The following MKX variants were observed in gnomAD, a reference collection of about 807,000 sequenced individuals.
MKX encodes the protein mohawk homeobox.
In MKX, 13 loss-of-function variants were observed where a neutral mutation model predicts 36.0. The observed-to-expected ratio is 0.36, with a 90% CI of 0.24 to 0.57. MKX has a LOEUF of 0.57. MKX is among the 20% of genes least tolerant of loss of function. The pLI, the probability that MKX is intolerant of heterozygous loss-of-function variation, is 0.79. For missense variants in MKX, 458 were observed against 456.4 expected, an observed-to-expected ratio of 1.00 and a Z score of -0.03; for synonymous variants, 176 against 178.3, an observed-to-expected ratio of 0.99 and a Z score of 0.10.
intron 1 of MKX, chr10:27,745,364 T>G (rs1835030143): frequency 6.5e-6 from 1 of 152,672 alleles, no homozygotes; most frequent in African/African-American, 2.4e-5. Context: ...CCACACTTGC[T>G]GACCCTCCCA....
Position 27,700,120 on chromosome 10 carries a change from T to C in MKX, c.839-24566A>G, listed in dbSNP as rs114996149. ...AACAACAAAATGATTCACAATATGTTTTTGGGATTGAAACATAAATATTTC... is the reference window on the plus strand; with the variant it reads ...AACAACAAAATGATTCACAATATGTCTTTGGGATTGAAACATAAATATTTC... On this transcript the variant is annotated intron_variant, in intron 5 of 6. Transcript: ENST00000419761. Among the ~76,000 whole-genome samples, 448 of 152,352 alleles carry C rather than the reference T, an allele frequency of 2.9e-3. 1 individual carries two copies. The highest frequency in any genetic ancestry group is 0.01 in the African/African-American group (429 of 41,586).
intron 6 of MKX, 50 bp from the exon 7 acceptor site, chr10:27,675,465 C>T: frequency 6.2e-7 from 1 of 1,613,962 alleles, no homozygotes; most frequent in Non-Finnish European, 8.5e-7. Context: ...CTGCAGTTTG[C>T]ATTGAAAATG....
chr10:27,711,528 T>C (rs1190034668), intron 5 of MKX, among the ~76,000 whole-genome samples: 2 of 145,062 alleles, frequency 1.4e-5, no homozygotes, highest in Non-Finnish European at 3.0e-5. Context: ...CCTTCCTTCC[T>C]TCCTTCCTTC....
intron 5 of MKX, among the ~76,000 whole-genome samples, chr10:27,708,448 T>C (rs1325190946): frequency 3.3e-5 from 5 of 152,152 alleles, no homozygotes; most frequent in African/African-American, 9.7e-5. Context: ...AAATTGACTA[T>C]AGGCCGGGCG....
intron 5 of MKX, among the ~76,000 whole-genome samples, chr10:27,689,805 G>A (rs947262184): frequency 6.6e-6 from 1 of 152,132 alleles, no homozygotes; most frequent in Admixed American, 6.5e-5. Flanking sequence ...AAAAAAGGAA[G>A]AGACCGGTCA....
At chr10:27,682,803 A>AC (rs1273791078) in intron 5 of MKX, among the ~76,000 whole-genome samples, 1 of 151,878 alleles carries the variant, frequency 6.6e-6, no homozygotes. Flanking sequence ...ATACAGTGAA[A>AC]CCCCGTCTCT....
chr10:27,681,141 T>C (rs544679321), intron 5 of MKX, among the ~76,000 whole-genome samples: 4 of 152,342 alleles, frequency 2.6e-5, no homozygotes, highest in Non-Finnish European at 5.9e-5. Context: ...TTTGTGGTGA[T>C]GCTGGTGTAA....
intron 5 of MKX, among the ~76,000 whole-genome samples, chr10:27,729,559 G>A (rs1044441263): frequency 1.3e-5 from 2 of 151,724 alleles, no homozygotes; most frequent in African/African-American, 4.8e-5. Context: ...CACTGGCCTC[G>A]GCTTCCCAAA....
At chr10:27,692,807 G>A (rs563762996) in intron 5 of MKX, among the ~76,000 whole-genome samples, 31 of 152,314 alleles carry the variant, frequency 2.0e-4, no homozygotes, top group African/African-American at 7.2e-4. Flanking sequence ...TAGTGATGAG[G>A]TTTTATGAAC....
intron 5 of MKX, among the ~76,000 whole-genome samples, chr10:27,676,509 C>G (rs1432121389): frequency 6.6e-6 from 1 of 151,564 alleles, no homozygotes; most frequent in Non-Finnish European, 1.5e-5. Flanking sequence ...TCCTAAGTAG[C>G]TGGGATTACA....
intron 5 of MKX, among the ~76,000 whole-genome samples, chr10:27,685,697 G>T (rs112265156): frequency 1.3e-5 from 2 of 152,144 alleles, no homozygotes; most frequent in South Asian, 4.1e-4. Flanking sequence ...TGATCCACCC[G>T]CCTCCGCCTC....
At chr10:27,711,354 T>C (rs1439741847) in intron 5 of MKX, among the ~76,000 whole-genome samples, 1 of 152,212 alleles carries the variant, frequency 6.6e-6, no homozygotes, top group African/African-American at 2.4e-5. Flanking sequence ...TGTCATTATC[T>C]ATTCTTATTT....
At position 27,673,230 on chromosome 10, in the gene MKX, C is replaced by T. The variant is rs1836082060; in HGVS notation, c.*1999G>A. ...AAAAAAAATCATGTGAATAGTTGTC[C>T]TATATTGCCTTGTCATCTATAATTT... On this transcript the variant is annotated 3_prime_UTR_variant, in exon 7 of 7. Coordinates refer to ENST00000419761, the MANE Select transcript of MKX (RefSeq NM_173576.3). 6 of 151,984 alleles carry T rather than the reference C, an allele frequency of 3.9e-5. No homozygotes were observed. The highest frequency in any genetic ancestry group is 3.9e-4 in the Admixed American group (6 of 15,248). The allele number at this position is 151,984 out of a possible 1,614,324, so 9.4% of individuals were successfully genotyped here. A position where few individuals can be genotyped will look rare whatever the true frequency, so the allele number is the denominator to read the frequency against.
At chr10:27,678,073 A>T (rs770158382) in intron 5 of MKX, among the ~76,000 whole-genome samples, 1 of 152,230 alleles carries the variant, frequency 6.6e-6, no homozygotes, top group Non-Finnish European at 1.5e-5. Flanking sequence ...GCCAGGCACA[A>T]TTCTGAGTAC....
rs565798533 is a variant in MKX, at chr10:27,704,539, A to G, written c.839-28985T>C. On this transcript the variant is annotated intron_variant, in intron 5 of 6. Coordinates refer to ENST00000419761, the MANE Select transcript of MKX (RefSeq NM_173576.3). The stretch of plus-strand genomic sequence containing the variant: ...AAGACCAAAGAAAAATTAATAGAAG[A>G]GAATAGAAAGACAAGACCAACTCAA... Among the ~76,000 whole-genome samples, 6 of 152,242 alleles carry G rather than the reference A, an allele frequency of 3.9e-5. No individual in the cohort carries two copies. In the East Asian group the frequency reaches 1.2e-3, roughly 29 times the overall value.
At chr10:27,711,630 C>T (rs149465012) in intron 5 of MKX, among the ~76,000 whole-genome samples, 1,642 of 150,086 alleles carry the variant, frequency 0.011, 10 homozygotes, top group Non-Finnish European at 0.016. Context: ...GGAGCGCAGT[C>T]GCACAGTCAT....
chr10:27,683,107 C>A (rs1267491289), intron 5 of MKX, among the ~76,000 whole-genome samples: 2 of 152,168 alleles, frequency 1.3e-5, no homozygotes, highest in East Asian at 3.9e-4. Context: ...AGGTGGAGCT[C>A]AGATGGTAAT....
chr10:27,704,632 T>C (rs1208527358), intron 5 of MKX, among the ~76,000 whole-genome samples: 6 of 152,150 alleles, frequency 3.9e-5, no homozygotes, highest in African/African-American at 1.4e-4. Flanking sequence ...TTAGAATAAC[T>C]GGGTAACTGT....
rs1024831367 is a variant in MKX, at chr10:27,674,363, A to G, written c.*866T>C. On this transcript the variant is annotated 3_prime_UTR_variant, in exon 7 of 7. Coordinates refer to ENST00000419761, the MANE Select transcript of MKX (RefSeq NM_173576.3). ...GTCATTCCATACGAACACAGTTTCC[A>G]TCACAAAAAGACAGTGAGCTCTAAT... 1 of 152,662 alleles carries G rather than the reference A, an allele frequency of 6.6e-6. No homozygotes were observed. Among genetic ancestry groups the G allele is most frequent in the Non-Finnish European group, 1.5e-5 (1 of 68,038 alleles). The allele number at this position is 152,662 out of a possible 1,614,324, so 9.5% of individuals were successfully genotyped here. A position where few individuals can be genotyped will look rare whatever the true frequency, so the allele number is the denominator to read the frequency against.
Sources: gnomAD v4.1 joint callset for allele counts (sites outside exome capture counted in the v4.1 genomes callset) on GRCh38, gnomAD v4.1.1 for gene constraint, MANE v1.5 for transcripts, NCBI Gene and HGNC (gene_info 2026-07-23, HGNC 2026-07-21) for gene names.